The following MYO16 variants were observed in gnomAD, a reference collection of about 807,000 sequenced individuals.
MYO16 encodes unconventional myosin-XVI.
A neutral mutation model predicts 205.3 loss-of-function variants in MYO16; 94 were observed. The observed-to-expected ratio is 0.46, with a 90% CI of 0.39 to 0.54. MYO16 has a LOEUF of 0.54. Ranked by LOEUF, MYO16 falls within the 20% of genes least tolerant of loss-of-function variation. The pLI, the probability that MYO16 is intolerant of heterozygous loss-of-function variation, is 0.00. For synonymous variants in MYO16, 988 were observed against 954.0 expected, an observed-to-expected ratio of 1.04 and a Z score of -0.66; for missense variants, 2,315 against 2,387.5, an observed-to-expected ratio of 0.97 and a Z score of 0.63.
chr13:109,173,444 G>T (rs965296321), intron 33 of MYO16, among the ~76,000 whole-genome samples: 1 of 152,210 alleles, frequency 6.6e-6, no homozygotes. Flanking sequence ...TTTTCAAATT[G>T]AGTTTAATTC....
chr13:108,784,109 C>T (rs1476980016), intron 4 of MYO16, among the ~76,000 whole-genome samples: 9 of 152,204 alleles, frequency 5.9e-5, no homozygotes, highest in Admixed American at 6.5e-5. Context: ...CCTCGGCCTG[C>T]CTATCCTTGA....
intron 14 of MYO16, among the ~76,000 whole-genome samples, chr13:108,891,680 T>C (rs535853967): frequency 1.8e-4 from 28 of 152,352 alleles, no homozygotes; most frequent in Non-Finnish European, 3.4e-4. Context: ...TGCTGACATG[T>C]GTCTGGCCGT....
intron 10 of MYO16, among the ~76,000 whole-genome samples, chr13:108,853,597 T>A (rs1878002427): frequency 3.8e-5 from 1 of 26,306 alleles, no homozygotes; most frequent in African/African-American, 1.9e-4. Context: ...GAGATCTAGA[T>A]TTTTTTTTTT....
intron 15 of MYO16, among the ~76,000 whole-genome samples, chr13:108,902,607 G>A (rs371538250): frequency 1.8e-4 from 27 of 152,246 alleles, no homozygotes; most frequent in African/African-American, 5.8e-4. Context: ...CTCTCTGGGG[G>A]GACCTCCCCT....
intron 16 of MYO16, among the ~76,000 whole-genome samples, chr13:108,924,818 T>G (rs1240882255): frequency 1.5e-4 from 1 of 6,610 alleles, no homozygotes; most frequent in African/African-American, 3.1e-4. Flanking sequence ...TTGTTCAGCT[T>G]AACGTCTGTT....
At chr13:108,665,793 G>T in intron 1 of MYO16, 93 bp from the exon 2 acceptor site, 1 of 1,329,968 alleles carries the variant, frequency 7.5e-7, no homozygotes. Flanking sequence ...TATGACCTGT[G>T]CAATGGACAA....
chr13:108,919,675 C>G (rs531188039), intron 16 of MYO16, among the ~76,000 whole-genome samples: 18 of 152,202 alleles, frequency 1.2e-4, no homozygotes, highest in Non-Finnish European at 2.2e-4. Context: ...AGCCTCACTT[C>G]TGCAGTCAGT....
chr13:108,857,037 A>G (rs1375491059), intron 11 of MYO16, among the ~76,000 whole-genome samples: 2 of 152,226 alleles, frequency 1.3e-5, no homozygotes, highest in Non-Finnish European at 1.5e-5. Context: ...CCTCACTTAT[A>G]TCTAAATTAC....
chr13:109,025,309 T>C (rs1314481540), intron 23 of MYO16, among the ~76,000 whole-genome samples: 1 of 152,216 alleles, frequency 6.6e-6, no homozygotes, highest in Non-Finnish European at 1.5e-5. Flanking sequence ...GAGTCTTGTT[T>C]GGAACAGAGG....
At chr13:109,163,454 CCCTTCCTTCCTT>C (rs139385635) in intron 32 of MYO16, among the ~76,000 whole-genome samples, 1 of 137,990 alleles carries the variant, frequency 7.2e-6, no homozygotes, top group Non-Finnish European at 1.5e-5. Context: ...ATGGAACCTT[CCCTTCCTTCCTT>C]CCTTCCTTCC....
At chr13:109,156,079 T>A (rs1343453068) in intron 32 of MYO16, among the ~76,000 whole-genome samples, 1 of 152,232 alleles carries the variant, frequency 6.6e-6, no homozygotes, top group Admixed American at 6.5e-5. Flanking sequence ...TTCTTCCTCA[T>A]GTGCAGTAAT....
chr13:109,123,453 T>C (rs1876092080), intron 29 of MYO16, among the ~76,000 whole-genome samples: 1 of 152,170 alleles, frequency 6.6e-6, no homozygotes, highest in Admixed American at 6.5e-5. Flanking sequence ...CCTTTTTTTT[T>C]AGTGTAACAA....
chr13:108,607,705 G>A (rs1038404651), intron 1 of MYO16, among the ~76,000 whole-genome samples: 2 of 152,096 alleles, frequency 1.3e-5, no homozygotes, highest in African/African-American at 2.4e-5. Context: ...CTCTTAGAGG[G>A]GTAGTGTTGG....
At chr13:109,060,123 A>G (rs1325824537) in intron 27 of MYO16, among the ~76,000 whole-genome samples, 1 of 152,192 alleles carries the variant, frequency 6.6e-6, no homozygotes, top group African/African-American at 2.4e-5. Flanking sequence ...TGACCCAGCA[A>G]TCACATTACT....
chr13:109,095,002 A>G (rs1888734404), intron 27 of MYO16, among the ~76,000 whole-genome samples: 1 of 152,176 alleles, frequency 6.6e-6, no homozygotes, highest in Non-Finnish European at 1.5e-5. Context: ...AGCACCTAGG[A>G]GCATCCCCAG....
intron 1 of MYO16, among the ~76,000 whole-genome samples, chr13:108,663,882 A>C (rs1881611314): frequency 6.6e-6 from 1 of 152,182 alleles, no homozygotes; most frequent in Non-Finnish European, 1.5e-5. Context: ...GACAAGCCAG[A>C]AAAGTCACAG....
chr13:109,110,615 G>A (rs1193189099), intron 28 of MYO16, among the ~76,000 whole-genome samples: 1 of 152,160 alleles, frequency 6.6e-6, no homozygotes, highest in African/African-American at 2.4e-5. Context: ...TCATATAAAT[G>A]TATCCTTTGA....
intron 28 of MYO16, among the ~76,000 whole-genome samples, chr13:109,108,198 G>C (rs1005813): frequency 0.15 from 22,284 of 152,148 alleles, 1,755 homozygotes; most frequent in Middle Eastern, 0.18. Flanking sequence ...GCACATGTGT[G>C]TGTTTCACTA....
At chr13:108,759,548 G>A (rs948420390) in intron 4 of MYO16, among the ~76,000 whole-genome samples, 6 of 152,318 alleles carry the variant, frequency 3.9e-5, no homozygotes, top group East Asian at 1.9e-4. Flanking sequence ...TGGGCCGGGC[G>A]TGGTGGCTCA....
Sources: gnomAD v4.1 joint callset for allele counts (sites outside exome capture counted in the v4.1 genomes callset) on GRCh38, gnomAD v4.1.1 for gene constraint, MANE v1.5 for transcripts, NCBI Gene and HGNC (gene_info 2026-07-23, HGNC 2026-07-21) for gene names.